UBA6: variants seen among roughly 807,000 people sequenced by gnomAD.
The protein encoded by UBA6 is ubiquitin like modifier activating enzyme 6.
A neutral mutation model predicts 148.3 loss-of-function variants in UBA6; 87 were observed. The ratio of observed to expected loss-of-function variants is 0.59; its 90% CI spans 0.49 to 0.70. The LOEUF is 0.70. Ranked by LOEUF, UBA6 falls within the 30% of genes least tolerant of loss-of-function variation. UBA6 has a pLI of 0.00. For synonymous variants in UBA6, 376 were observed against 401.0 expected (o/e 0.94, Z 0.75); for missense variants, 1,186 against 1,241.2 (o/e 0.96, Z 0.67).
rs1222100130 is a variant in UBA6, at chr4:67,631,696, A to G, written c.2258+12T>C. On this transcript the variant is annotated intron_variant, in intron 25 of 32. Coordinates refer to ENST00000322244, the MANE Select transcript of UBA6 (RefSeq NM_018227.6). ...TAATGAAGGATACATAAAACTAAATATAAATACTTACAAAGGCTCATTTAA... is the reference window on the plus strand; with the variant it reads ...TAATGAAGGATACATAAAACTAAATGTAAATACTTACAAAGGCTCATTTAA... 1.9e-6 allele frequency: 3 copies of G among 1,586,354 alleles called. No homozygotes were observed. Among genetic ancestry groups the G allele is most frequent in the East Asian group, 2.3e-5 (1 of 43,892 alleles).
At chr4:67,621,799 C>T (rs886727429) in intron 32 of UBA6, among the ~76,000 whole-genome samples, 4 of 152,040 alleles carry the variant, frequency 2.6e-5, no homozygotes, top group Non-Finnish European at 4.4e-5. Flanking sequence ...AGTGAGACTC[C>T]GTCTCAAAAA....
At chr4:67,638,669 C>A (rs1396686506) in intron 19 of UBA6, among the ~76,000 whole-genome samples, 2 of 152,082 alleles carry the variant, frequency 1.3e-5, no homozygotes, top group African/African-American at 4.8e-5. Context: ...GCACATACAG[C>A]TAGAATAAGG....
chr4:67,672,357 C>T (rs115199375), intron 7 of UBA6, among the ~76,000 whole-genome samples: 5,800 of 152,158 alleles, frequency 0.038, 136 homozygotes, highest in Non-Finnish European at 0.048. Context: ...TCCACTCTGC[C>T]GCCTAAGATA....
chr4:67,629,004 A>T, intron 27 of UBA6, 67 bp downstream of exon 27: 2 of 1,087,208 alleles, frequency 1.8e-6, no homozygotes, highest in Non-Finnish European at 2.8e-6. Flanking sequence ...CTCCAGGTTT[A>T]GAATGGGACT....
intron 26 of UBA6, among the ~76,000 whole-genome samples, chr4:67,629,407 G>A (rs1728946358): frequency 6.6e-6 from 1 of 151,736 alleles, no homozygotes; most frequent in African/African-American, 2.4e-5. Context: ...TTTTTAAAAG[G>A]CATTTTTAGG....
chr4:67,652,969 G>A (rs540851038), intron 13 of UBA6, among the ~76,000 whole-genome samples: 14 of 152,324 alleles, frequency 9.2e-5, no homozygotes, highest in African/African-American at 3.4e-4. Flanking sequence ...AGCCTGGCGG[G>A]CATACAGGTG....
intron 7 of UBA6, among the ~76,000 whole-genome samples, chr4:67,671,843 T>C (rs112975715): frequency 0.034 from 5,163 of 152,240 alleles, 118 homozygotes; most frequent in Non-Finnish European, 0.055. Flanking sequence ...ACTGTGATTT[T>C]TCCCATCTAA....
intron 19 of UBA6, among the ~76,000 whole-genome samples, chr4:67,635,884 T>A (rs1172592984): frequency 1.3e-5 from 2 of 152,228 alleles, no homozygotes; most frequent in Non-Finnish European, 2.9e-5. Context: ...ACACTATCTC[T>A]TCTCAATATT....
chr4:67,612,856 T>G lies in UBA6; in HGVS notation c.*6141A>C, dbSNP rs1047960. On this transcript the variant is annotated 3_prime_UTR_variant, in exon 33 of 33. Transcript: ENST00000322244. The stretch of plus-strand genomic sequence containing the variant: ...AGCAGGGAGCTGATAAGTTGGTGAA[T>G]AATTACCATGCCAATAATATCTGAG... The G allele has an allele frequency of 0.24, 37,232 of 152,126 alleles. 4,693 individuals carry two copies. Among genetic ancestry groups the G allele is most frequent in the Middle Eastern group, 0.31 (90 of 294 alleles). 9.4% of individuals were successfully genotyped at this position (152,126 alleles called of 1,614,324 possible).
chr4:67,629,234 A>G (rs1728941590), intron 26 of UBA6, 92 bp from the exon 27 acceptor site: 11 of 764,040 alleles, frequency 1.4e-5, no homozygotes, highest in East Asian at 7.5e-5. Flanking sequence ...TCATATTACA[A>G]TATATGAATA....
At position 67,663,227 on chromosome 4, in the gene UBA6, A is replaced by G; in HGVS notation, c.961-12T>C. 1 of 1,595,432 alleles carries G rather than the reference A, an allele frequency of 6.3e-7. No homozygotes were observed. Among genetic ancestry groups the G allele is most frequent in the Non-Finnish European group, 8.5e-7 (1 of 1,171,160 alleles). Reference sequence around the variant, plus strand: ...ATCTCTAAAGGTGCCTATTGAGAACATTAAAAATCGGCCAACATTTACTGA... The same window carrying G: ...ATCTCTAAAGGTGCCTATTGAGAACGTTAAAAATCGGCCAACATTTACTGA... On this transcript the variant is annotated splice_polypyrimidine_tract_variant and intron_variant, in intron 11 of 32. Transcript: ENST00000322244.
chr4:67,651,328 A>C (rs1051955507), intron 13 of UBA6, among the ~76,000 whole-genome samples: 3 of 152,194 alleles, frequency 2.0e-5, no homozygotes, highest in African/African-American at 7.2e-5. Flanking sequence ...AGAAATACTT[A>C]AACAACATTT....
intron 32 of UBA6, among the ~76,000 whole-genome samples, chr4:67,621,871 G>C (rs1410330453): frequency 6.6e-6 from 1 of 152,116 alleles, no homozygotes; most frequent in Non-Finnish European, 1.5e-5. Context: ...ACAGTAATAA[G>C]TGCTCTGAAA....
intron 2 of UBA6, among the ~76,000 whole-genome samples, chr4:67,692,503 C>T (rs938811213): frequency 9.9e-5 from 15 of 152,158 alleles, no homozygotes; most frequent in Admixed American, 4.6e-4. Context: ...AAAAGATAAA[C>T]ACCAGCGGCC....
rs1327497304 is a variant in UBA6 at position 67,615,974 on chromosome 4, C to T, written c.*3023G>A. 2.7e-6 allele frequency: 1 copy of T among 364,204 alleles called. No individual in the cohort carries two copies. Among genetic ancestry groups the T allele is most frequent in the Admixed American group, 4.6e-5 (1 of 21,520 alleles). 22.6% of individuals were successfully genotyped at this position (364,204 alleles called of 1,614,324 possible). Reference sequence around the variant, plus strand: ...TCAATATATTCTACTAAGCTGAGTGCTAGTTATATAGTTGCTTTAAAATTA... The same window carrying T: ...TCAATATATTCTACTAAGCTGAGTGTTAGTTATATAGTTGCTTTAAAATTA... On this transcript the variant is annotated 3_prime_UTR_variant, in exon 33 of 33. Transcript: ENST00000322244.
intron 1 of UBA6, among the ~76,000 whole-genome samples, chr4:67,699,454 T>G (rs1730918593): frequency 6.6e-6 from 1 of 152,140 alleles, no homozygotes; most frequent in Admixed American, 6.5e-5. Flanking sequence ...ATTAAACGGA[T>G]AGCTATTAAA....
At chr4:67,656,586 CA>C (rs1489320817) in intron 13 of UBA6, among the ~76,000 whole-genome samples, 1 of 152,136 alleles carries the variant, frequency 6.6e-6, no homozygotes, top group Non-Finnish European at 1.5e-5. Flanking sequence ...ACTGAATGGG[CA>C]AAAACTGGAA....
chr4:67,659,650 G>GGAA (rs368730151), intron 13 of UBA6, among the ~76,000 whole-genome samples: 11 of 151,438 alleles, frequency 7.3e-5, no homozygotes, highest in Admixed American at 6.6e-5. Context: ...ATTTTATATA[G>GGAA]CATATGCAGT....
intron 4 of UBA6, among the ~76,000 whole-genome samples, chr4:67,681,318 A>G (rs996712208): frequency 1.3e-5 from 2 of 152,158 alleles, no homozygotes; most frequent in African/African-American, 2.4e-5. Flanking sequence ...TGGGGGCAAT[A>G]AGGAATGGGA....
Sources: gnomAD v4.1 joint callset for allele counts (sites outside exome capture counted in the v4.1 genomes callset) on GRCh38, gnomAD v4.1.1 for gene constraint, MANE v1.5 for transcripts, NCBI Gene and HGNC (gene_info 2026-07-23, HGNC 2026-07-21) for gene names.